The following SPMIP7 variants were observed in gnomAD, a reference collection of about 807,000 sequenced individuals.
The protein encoded by SPMIP7 is sperm microtubule inner protein 7, also known as protein SPMIP7.
the SPMIP7 span, among the ~76,000 whole-genome samples, chr7:50,152,312 T>C: frequency 6.6e-6 from 1 of 152,102 alleles, no homozygotes; most frequent in Non-Finnish European, 1.5e-5. Flanking sequence ...GCCACTGCAC[T>C]TCAGACTGGG....
At chr7:50,123,892 A>T in the SPMIP7 span, among the ~76,000 whole-genome samples, 4 of 152,176 alleles carry the variant, frequency 2.6e-5, no homozygotes, top group Admixed American at 1.3e-4. Context: ...TCATAATTAC[A>T]TTAATTACAT....
At chr7:50,095,905 G>A in the SPMIP7 span, 1 of 455,140 alleles carries the variant, frequency 2.2e-6, no homozygotes, top group African/African-American at 2.0e-5. Context: ...TTCCTTTGGT[G>A]GAGGAAAATA....
chr7:50,149,454 A>G, the SPMIP7 span, among the ~76,000 whole-genome samples: 3 of 152,158 alleles, frequency 2.0e-5, no homozygotes, highest in African/African-American at 4.8e-5. Context: ...TGTCCTCTTC[A>G]TGCTGCAGTT....
the SPMIP7 span, among the ~76,000 whole-genome samples, chr7:50,138,533 C>G: frequency 2.6e-5 from 4 of 152,136 alleles, no homozygotes; most frequent in African/African-American, 9.6e-5. Flanking sequence ...TTTAGAAGAT[C>G]AATTTGATCA....
chr7:50,131,500 A>G, the SPMIP7 span, among the ~76,000 whole-genome samples: 1 of 152,196 alleles, frequency 6.6e-6, no homozygotes. Flanking sequence ...CATGGCTTGT[A>G]GAAAGGTATG....
the SPMIP7 span, among the ~76,000 whole-genome samples, chr7:50,150,508 T>C: frequency 6.6e-6 from 1 of 152,196 alleles, no homozygotes; most frequent in African/African-American, 2.4e-5. Context: ...ACACAGAGCC[T>C]CATGATCTGT....
the SPMIP7 span, among the ~76,000 whole-genome samples, chr7:50,153,773 G>A: frequency 7.9e-5 from 12 of 152,264 alleles, no homozygotes; most frequent in East Asian, 2.1e-3. Flanking sequence ...TTGGTCCCAC[G>A]TAATTGAGGG....
the SPMIP7 span, among the ~76,000 whole-genome samples, chr7:50,146,667 G>A: frequency 6.6e-6 from 1 of 152,162 alleles, no homozygotes; most frequent in Non-Finnish European, 1.5e-5. Flanking sequence ...ATGGACTCCT[G>A]TCTTTTCCCC....
the SPMIP7 span, among the ~76,000 whole-genome samples, chr7:50,157,316 T>G: frequency 0.032 from 4,847 of 152,100 alleles, 227 homozygotes; most frequent in African/African-American, 0.11. Flanking sequence ...TTGAAGTGAG[T>G]AGATGGGATG....
the SPMIP7 span, among the ~76,000 whole-genome samples, chr7:50,120,600 C>T: frequency 4.2e-4 from 64 of 152,208 alleles, no homozygotes; most frequent in South Asian, 1.7e-3. Flanking sequence ...GTAAACACTG[C>T]CACCGAATGC....
At chr7:50,134,184 G>A in the SPMIP7 span, 25 of 1,550,536 alleles carry the variant, frequency 1.6e-5, no homozygotes, top group African/African-American at 2.3e-4. Context: ...GGAAAAAACC[G>A]CTGACCCCAT....
the SPMIP7 span, among the ~76,000 whole-genome samples, chr7:50,104,610 C>T: frequency 5.3e-5 from 8 of 152,256 alleles, no homozygotes; most frequent in African/African-American, 1.7e-4. Flanking sequence ...TACCTTGCAC[C>T]ATTCCCACAA....
the SPMIP7 span, chr7:50,141,450 C>A: frequency 9.7e-7 from 1 of 1,030,134 alleles, no homozygotes; most frequent in Non-Finnish European, 1.5e-6. Context: ...TGATGATGGA[C>A]TTTACCATAA....
At chr7:50,125,783 A>T in the SPMIP7 span, among the ~76,000 whole-genome samples, 1 of 152,142 alleles carries the variant, frequency 6.6e-6, no homozygotes, top group South Asian at 2.1e-4. Context: ...AGTCAAGCTT[A>T]TAGAAGCAAA....
At chr7:50,145,718 T>C in the SPMIP7 span, among the ~76,000 whole-genome samples, 2 of 143,720 alleles carry the variant, frequency 1.4e-5, no homozygotes, top group African/African-American at 5.2e-5. Flanking sequence ...CTCACACTTG[T>C]ATTTCCAAAG....
the SPMIP7 span, among the ~76,000 whole-genome samples, chr7:50,118,888 C>T: frequency 6.6e-6 from 1 of 152,160 alleles, no homozygotes; most frequent in East Asian, 1.9e-4. Flanking sequence ...CGATTGACTC[C>T]TTATGGAATA....
At chr7:50,110,672 T>TAA in the SPMIP7 span, among the ~76,000 whole-genome samples, 1 of 134,966 alleles carries the variant, frequency 7.4e-6, no homozygotes, top group Non-Finnish European at 1.5e-5. Flanking sequence ...ACATCACATA[T>TAA]ATCATATAAT....
the SPMIP7 span, among the ~76,000 whole-genome samples, chr7:50,110,373 C>T: frequency 5.4e-5 from 8 of 148,302 alleles, no homozygotes; most frequent in East Asian, 1.6e-3. Context: ...AACAGGAGTT[C>T]TTATATATAT....
chr7:50,117,927 C>A, the SPMIP7 span, among the ~76,000 whole-genome samples: 4 of 152,194 alleles, frequency 2.6e-5, no homozygotes, highest in African/African-American at 7.2e-5. Flanking sequence ...CAAATGCACT[C>A]CTTTCTGCTA....
Sources: gnomAD v4.1 joint callset for allele counts (sites outside exome capture counted in the v4.1 genomes callset) on GRCh38, gnomAD v4.1.1 for gene constraint, MANE v1.5 for transcripts, NCBI Gene and HGNC (gene_info 2026-07-23, HGNC 2026-07-21) for gene names.